Variants in EVI5L observed in about 807,000 individuals in gnomAD.
The protein encoded by EVI5L is EVI5-like protein.
Under a neutral mutation model 106.1 loss-of-function variants are expected in EVI5L, and 30 were observed. The observed-to-expected ratio is 0.28, with a 90% CI of 0.21 to 0.38. EVI5L has a LOEUF of 0.38. Among genes scored for constraint, EVI5L ranks in the 10% least tolerant of loss-of-function variants. EVI5L has a pLI of 1.00. For synonymous variants in EVI5L, 489 were observed against 483.3 expected (o/e 1.01, Z -0.15); for missense variants, 809 against 1,098.0 (o/e 0.74, Z 3.72).
intron 1 of EVI5L, among the ~76,000 whole-genome samples, chr19:7,839,578 A>G (rs1414719792): frequency 6.6e-6 from 1 of 152,096 alleles, no homozygotes; most frequent in East Asian, 1.9e-4. Context: ...GGCCCCATGG[A>G]CAGAGCATCA....
chr19:7,830,927 C>T (rs530057344), intron 1 of EVI5L, among the ~76,000 whole-genome samples: 1 of 149,638 alleles, frequency 6.7e-6, no homozygotes, highest in African/African-American at 2.5e-5. Context: ...ACCCGCCCCC[C>T]ATGCTGACCC....
rs1310988008 is a variant in EVI5L at position 7,860,641 on chromosome 19, A to G, written c.1455A>G (p.Thr485=). The G allele has an allele frequency of 6.3e-7, 1 of 1,597,000 alleles. No homozygotes were observed. The highest frequency in any genetic ancestry group is 2.3e-5 in the East Asian group (1 of 44,216). ...LEQSRLRETE[T]LGALREMQDK... ...AGTCGAGGCTGCGGGAGACGGAGACACTGGGGGCCCTTCGGGAGATGCAGG... is the reference window on the plus strand; with the variant it reads ...AGTCGAGGCTGCGGGAGACGGAGACGCTGGGGGCCCTTCGGGAGATGCAGG... The change falls in exon 14 of 20, where the codon ACA becomes ACG. Residue 485 remains threonine, a synonymous_variant. Coordinates refer to ENST00000538904, the MANE Select transcript of EVI5L (RefSeq NM_001159944.3).
chr19:7,860,147 GGA>G (rs1465689175), intron 13 of EVI5L, among the ~76,000 whole-genome samples: 1 of 152,190 alleles, frequency 6.6e-6, no homozygotes, highest in East Asian at 1.9e-4. Flanking sequence ...GGGATGCAGA[GGA>G]GAGAGGTGGA....
In EVI5L at chr19:7,850,013, C is replaced by T; in HGVS notation, c.644C>T (p.Ala215Val). 1 of 1,599,342 alleles carries T rather than the reference C, an allele frequency of 6.3e-7. No individual in the cohort carries two copies. Among genetic ancestry groups the T allele is most frequent in the Middle Eastern group, 1.7e-4 (1 of 5,842 alleles). The change falls in exon 6 of 20, where the codon GCC (alanine) becomes GTC (valine). Residue 215 changes from alanine to valine, a missense_variant. Ala to Val is a moderately conservative substitution (Grantham distance 64). Coordinates refer to ENST00000538904, the MANE Select transcript of EVI5L (RefSeq NM_001159944.3). The surrounding 1 kb of genome is among the most constrained non-coding windows in gnomAD (Gnocchi z 5.4). ...CCCCCCTAGATGCCTGAGGAGGAGG[C>T]CTTCTGTGTGTTCGTGCGGCTGATG... ...LLLMQMPEEE[A>V]FCVFVRLMQE... is the part of the protein sequence containing the mutation.
chr19:7,855,682 T>C (rs478783), intron 10 of EVI5L, among the ~76,000 whole-genome samples: 1 of 152,038 alleles, frequency 6.6e-6, no homozygotes, highest in Non-Finnish European at 1.5e-5. Flanking sequence ...GCACAACCCT[T>C]GGCAGACTGA....
rs199649932 is a variant in EVI5L at position 7,856,966 on chromosome 19, C to T, written c.1201-126C>T. 2.1e-6 allele frequency: 2 copies of T among 973,638 alleles called. No individual in the cohort carries two copies. The highest frequency in any genetic ancestry group is 2.6e-5 in the East Asian group (1 of 38,368). The allele number at this position is 973,638 out of a possible 1,614,324, so 60.3% of individuals were successfully genotyped here. ...GGTTCTCTGGTCTTCCCTCCTCTCT[C>T]CCCCGCTTCTAGAGATAGTCCACTG... On this transcript the variant is annotated intron_variant, in intron 11 of 19. Transcript: ENST00000538904. This position sits in a 1 kb window ranked among gnomAD's most constrained non-coding sequence, Gnocchi z 6.6.
At chr19:7,852,144 C>G (rs571164407) in intron 8 of EVI5L, among the ~76,000 whole-genome samples, 20 of 152,344 alleles carry the variant, frequency 1.3e-4, no homozygotes, top group African/African-American at 4.3e-4. Context: ...GGTGAGGGCA[C>G]AGGAGGGAGT....
chr19:7,853,453 T>C, intron 10 of EVI5L, 120 bp downstream of exon 10: 1 of 1,385,098 alleles, frequency 7.2e-7, no homozygotes, highest in Non-Finnish European at 9.9e-7. Context: ...GACCCGGCGG[T>C]CCTTGGCGGA....
intron 1 of EVI5L, among the ~76,000 whole-genome samples, chr19:7,840,231 C>T (rs1978541034): frequency 6.6e-6 from 1 of 152,244 alleles, no homozygotes; most frequent in Admixed American, 6.5e-5. Flanking sequence ...GTAATCCCAG[C>T]ACTTTGAGAG....
rs774677590 is a variant in EVI5L, at chr19:7,863,658, G to A, written c.2374G>A (p.Ala792Thr). The stretch of plus-strand genomic sequence containing the variant: ...CAGCGAGGGCAGCTCAGACAGCGAC[G>A]CCGATGAGCTGGCCGCGCCCTACAG... ...KDSEGSSDSD[A>T]DELAAPYSQG... is the part of the protein sequence containing the mutation. Residue 792 changes from alanine (A) to threonine (T), a missense_variant, in exon 20 of 20, where the codon GCC becomes ACC. This residue lies in a region of EVI5L where 452 missense variants were observed against 509.9 expected (regional missense o/e 0.89). Transcript: ENST00000538904. The surrounding 1 kb of genome is among the most constrained non-coding windows in gnomAD (Gnocchi z 7.7). 25 of 1,537,794 alleles carry A rather than the reference G, an allele frequency of 1.6e-5. No individual in the cohort carries two copies. The highest frequency in any genetic ancestry group is 1.7e-5 in the Non-Finnish European group (20 of 1,143,762).
intron 10 of EVI5L, among the ~76,000 whole-genome samples, chr19:7,854,395 C>A (rs1463217428): frequency 6.6e-6 from 1 of 152,088 alleles, no homozygotes; most frequent in Non-Finnish European, 1.5e-5. Flanking sequence ...GACACAGACA[C>A]AAACCCAACA....
Position 7,857,214 on chromosome 19 carries a change from C to A in EVI5L, c.1233+90C>A. 19 of 1,508,026 alleles carry A rather than the reference C, an allele frequency of 1.3e-5. No homozygotes were observed. The highest frequency in any genetic ancestry group is 1.6e-5 in the Non-Finnish European group (18 of 1,108,950). The allele number at this position is 1,508,026 out of a possible 1,614,324, so 93.4% of individuals were successfully genotyped here. A position where few individuals can be genotyped will look rare whatever the true frequency, so the allele number is the denominator to read the frequency against. On this transcript the variant is annotated intron_variant, in intron 12 of 19. Coordinates refer to ENST00000538904, the MANE Select transcript of EVI5L (RefSeq NM_001159944.3). This position sits in a 1 kb window ranked among gnomAD's most constrained non-coding sequence, Gnocchi z 4.5. ...ACAGCCAGTAACCGCCTCTTCCCTG[C>A]CATTCTGCGGGCAGGCCTGGCGCCA...
intron 1 of EVI5L, among the ~76,000 whole-genome samples, chr19:7,843,057 T>C (rs1042143811): frequency 6.8e-6 from 1 of 146,174 alleles, no homozygotes; most frequent in African/African-American, 2.5e-5. Flanking sequence ...TGGCTGTGTG[T>C]CGAGTATGTG....
At chr19:7,860,196 C>G (rs1039861982) in intron 13 of EVI5L, among the ~76,000 whole-genome samples, 3 of 152,218 alleles carry the variant, frequency 2.0e-5, no homozygotes, top group Middle Eastern at 3.2e-3. Flanking sequence ...TCCCCCACCC[C>G]CTGCCTCGCC....
Position 7,858,458 on chromosome 19 carries a change from G to GTTCCCCTTACCCCA in EVI5L, c.1374+127_1374+128insTTCCCCTTACCCCA. On this transcript the variant is annotated intron_variant, in intron 13 of 19. Coordinates refer to ENST00000538904, the MANE Select transcript of EVI5L (RefSeq NM_001159944.3). The surrounding 1 kb of genome is among the most constrained non-coding windows in gnomAD (Gnocchi z 5.7). ...ACCTGGCCCTCCTGTTCCTTTCTGG[G>GTTCCCCTTACCCCA]GTAAGGGGAACCCAGAGACAAGCGC... The GTTCCCCTTACCCCA allele has an allele frequency of 2.4e-6, 3 of 1,252,938 alleles. No individual in the cohort carries two copies. The highest frequency in any genetic ancestry group is 3.2e-6 in the Non-Finnish European group (3 of 933,836). 77.6% of individuals were successfully genotyped at this position (1,252,938 alleles called of 1,614,324 possible).
intron 2 of EVI5L, 84 bp from the exon 3 acceptor site, chr19:7,847,648 G>A: frequency 7.0e-7 from 1 of 1,436,398 alleles, no homozygotes. Context: ...AAGACCCCCA[G>A]GAGGGGGAGG....
At position 7,845,193 on chromosome 19, in the gene EVI5L, G is replaced by T. The variant is rs754320817; in HGVS notation, c.-47-1303G>T. 3.9e-5 allele frequency among the ~76,000 whole-genome samples: 6 copies of T among 152,196 alleles called. No individual in the cohort carries two copies. Among genetic ancestry groups the T allele is most frequent in the Non-Finnish European group, 8.8e-5 (6 of 68,020 alleles). The stretch of plus-strand genomic sequence containing the variant: ...ACAGAGCGTGCCGGGCAGTGGGCGG[G>T]CATGAGGAGCCGTGCAAATAAGGAG... On this transcript the variant is annotated intron_variant, in intron 1 of 19. Transcript: ENST00000538904. The surrounding 1 kb of genome is among the most constrained non-coding windows in gnomAD (Gnocchi z 4.0).
intron 1 of EVI5L, among the ~76,000 whole-genome samples, chr19:7,832,490 G>C (rs1978297818): frequency 6.6e-6 from 1 of 152,208 alleles, no homozygotes; most frequent in South Asian, 2.1e-4. Context: ...GGAAACTGGG[G>C]TGCGGGGAGA....
At chr19:7,836,670 A>C (rs1978355455) in intron 1 of EVI5L, among the ~76,000 whole-genome samples, 2 of 150,344 alleles carry the variant, frequency 1.3e-5, no homozygotes. Context: ...GGAGTCTCTC[A>C]CTCTGTCATC....
Sources: allele counts gnomAD v4.1 joint callset (sites outside exome capture counted in the v4.1 genomes callset), GRCh38; gene constraint gnomAD v4.1.1; regional missense constraint gnomAD v4.1.1; non-coding constraint Gnocchi (gnomAD v3.1); transcripts MANE v1.5; gene names NCBI Gene and HGNC (gene_info 2026-07-23, HGNC 2026-07-21).